Variants in HDAC4 observed in about 807,000 individuals in gnomAD.
HDAC4 encodes histone deacetylase A.
A neutral mutation model predicts 135.1 loss-of-function variants in HDAC4; 16 were observed. That is an observed-to-expected ratio of 0.12 (90% CI 0.08 to 0.18). The LOEUF is 0.18. HDAC4 is among the 10% of genes least tolerant of loss of function. HDAC4 has a pLI of 1.00. For synonymous variants in HDAC4, 685 were observed against 653.4 expected (o/e 1.05, Z -0.74); for missense variants, 1,143 against 1,511.8 (o/e 0.76, Z 4.05).
In HDAC4 at chr2:239,285,895, A is replaced by AT. The variant is rs2051110462; in HGVS notation, c.23-49232dup. 1.3e-5 allele frequency among the ~76,000 whole-genome samples: 2 copies of AT among 152,176 alleles called. No individual in the cohort carries two copies. Among genetic ancestry groups the AT allele is most frequent in the African/African-American group, 2.4e-5 (1 of 41,436 alleles). ...GCAGCTCCCAGGAAATGCACGTGGC[A>AT]TGCCTATCAGAAGAACGGCCTCCTC... On this transcript the variant is annotated intron_variant, in intron 2 of 26. Coordinates refer to ENST00000543185, the MANE Select transcript of HDAC4 (RefSeq NM_001378414.1). This position sits in a 1 kb window ranked among gnomAD's most constrained non-coding sequence, Gnocchi z 4.5.
chr2:239,299,388 C>T lies in HDAC4; in HGVS notation c.22+53290G>A, dbSNP rs925818855. Among the ~76,000 whole-genome samples, 2 of 152,088 alleles carry T rather than the reference C, an allele frequency of 1.3e-5. No individual in the cohort carries two copies. The highest frequency in any genetic ancestry group is 2.4e-5 in the African/African-American group (1 of 41,424). The stretch of plus-strand genomic sequence containing the variant: ...TGGTGCAATGATCAGGACGGAGGTG[C>T]CTAACAATCCCAATAAAATGCTGAC... On this transcript the variant is annotated intron_variant, in intron 2 of 26. Coordinates refer to ENST00000543185, the MANE Select transcript of HDAC4 (RefSeq NM_001378414.1). This position sits in a 1 kb window ranked among gnomAD's most constrained non-coding sequence, Gnocchi z 4.0.
rs181622786 is a variant in HDAC4, at chr2:239,285,836, T to C, written c.23-49172A>G. ...GTCAGGACCGAGGTGAGCCCAGAGC[T>C]GCAGCGTTCAGGATGCAGGGGCTGG... On this transcript the variant is annotated intron_variant, in intron 2 of 26. Transcript: ENST00000543185. The surrounding 1 kb of genome is among the most constrained non-coding windows in gnomAD (Gnocchi z 4.5). Among the ~76,000 whole-genome samples, 4 of 152,216 alleles carry C rather than the reference T, an allele frequency of 2.6e-5. No homozygotes were observed. The highest frequency in any genetic ancestry group is 1.3e-4 in the Admixed American group (2 of 15,290).
intron 2 of HDAC4, among the ~76,000 whole-genome samples, chr2:239,246,896 C>A (rs1241112764): frequency 6.6e-6 from 1 of 152,206 alleles, no homozygotes; most frequent in East Asian, 1.9e-4. Context: ...TGCGTCACTG[C>A]ACAGCTGTGC....
intron 2 of HDAC4, among the ~76,000 whole-genome samples, chr2:239,275,877 G>C (rs1384455263): frequency 6.6e-6 from 1 of 152,176 alleles, no homozygotes; most frequent in Admixed American, 6.5e-5. Context: ...CTGAAGGTAT[G>C]GGGCGGAGAA....
In HDAC4 at chr2:239,176,618, G is replaced by C. The variant is rs948628337; in HGVS notation, c.340-55C>G. Reference sequence around the variant, plus strand: ...AGAGCCCAGGCTCCACACACACACAGAGACCCAATGAAGACCCAAGAAACC... The same window carrying C: ...AGAGCCCAGGCTCCACACACACACACAGACCCAATGAAGACCCAAGAAACC... On this transcript the variant is annotated intron_variant, in intron 4 of 26. Transcript: ENST00000543185. The C allele has an allele frequency of 4.5e-6, 7 of 1,551,352 alleles. No homozygotes were observed. The Admixed American group carries it at 5.1e-5, about 11-fold the overall frequency.
intron 2 of HDAC4, among the ~76,000 whole-genome samples, chr2:239,296,157 C>T (rs558847643): frequency 3.3e-5 from 5 of 152,316 alleles, no homozygotes; most frequent in South Asian, 2.1e-4. Context: ...GACCTGGAGC[C>T]GTGTCCTTGA....
intron 2 of HDAC4, among the ~76,000 whole-genome samples, chr2:239,282,679 A>C (rs1185198214): frequency 9.0e-5 from 13 of 144,952 alleles, no homozygotes; most frequent in African/African-American, 2.2e-4. Context: ...CAATGTACAC[A>C]CCACTCTACA....
intron 4 of HDAC4, among the ~76,000 whole-genome samples, chr2:239,177,413 A>G (rs1371788739): frequency 6.6e-6 from 1 of 152,214 alleles, no homozygotes; most frequent in East Asian, 1.9e-4. Context: ...CTATATTCAC[A>G]TGAAGCCCTA....
chr2:239,394,756 A>C (rs1696454634), intron 1 of HDAC4, among the ~76,000 whole-genome samples: 1 of 152,240 alleles, frequency 6.6e-6, no homozygotes, highest in South Asian at 2.1e-4. Context: ...CTCCCACCCA[A>C]GGCCCGCATT....
chr2:239,123,365 C>T lies in HDAC4; in HGVS notation c.1533+3091G>A, dbSNP rs150884576. Reference sequence around the variant, plus strand: ...CATTTCTGATGCGTTCCCTGCTGTCCGCTGATGAGGGCTTGGGGGTGGAGG... The same window carrying T: ...CATTTCTGATGCGTTCCCTGCTGTCTGCTGATGAGGGCTTGGGGGTGGAGG... On this transcript the variant is annotated intron_variant, in intron 12 of 26. Transcript: ENST00000543185. Among the ~76,000 whole-genome samples the T allele has an allele frequency of 4.8e-3, 731 of 152,040 alleles. 5 individuals are homozygous for T. Among genetic ancestry groups the T allele is most frequent in the Non-Finnish European group, 7.0e-3 (475 of 67,960 alleles).
chr2:239,343,533 G>A (rs1369767948), intron 2 of HDAC4, among the ~76,000 whole-genome samples: 2 of 152,228 alleles, frequency 1.3e-5, no homozygotes, highest in African/African-American at 2.4e-5. Flanking sequence ...ACCTGCGGGA[G>A]GCCCACCAAC....
chr2:239,187,009 C>A (rs769348324), intron 4 of HDAC4: 3 of 152,598 alleles, frequency 2.0e-5, no homozygotes, highest in African/African-American at 7.2e-5. Flanking sequence ...ACAGCCATGG[C>A]GGCTTCGGGG....
intron 3 of HDAC4, among the ~76,000 whole-genome samples, chr2:239,205,367 G>A (rs2045983223): frequency 2.6e-5 from 4 of 152,020 alleles, no homozygotes; most frequent in Admixed American, 2.0e-4. Flanking sequence ...TATGGGCAAC[G>A]TTATCCAACA....
intron 1 of HDAC4, among the ~76,000 whole-genome samples, chr2:239,358,552 T>C (rs1040416185): frequency 6.6e-6 from 1 of 152,214 alleles, no homozygotes; most frequent in Non-Finnish European, 1.5e-5. Flanking sequence ...GTGTGCTAAC[T>C]GCTGCTGGGC....
intron 1 of HDAC4, among the ~76,000 whole-genome samples, chr2:239,385,300 C>G (rs1008471399): frequency 6.6e-6 from 1 of 152,258 alleles, no homozygotes; most frequent in Non-Finnish European, 1.5e-5. Context: ...TGGGGGCACA[C>G]AGCGGGCTGG....
intron 2 of HDAC4, among the ~76,000 whole-genome samples, chr2:239,283,709 G>C (rs748408600): frequency 6.6e-6 from 1 of 152,180 alleles, no homozygotes. Context: ...CCACTTCCGC[G>C]AGCGGTAACA....
In HDAC4 at chr2:239,299,100, C is replaced by T. The variant is rs971306074; in HGVS notation, c.22+53578G>A. ...CAGGATGGTCTCGATCTCCTGACCT[C>T]GTGATCCGCCTGCCTTGGCCTCCCA... On this transcript the variant is annotated intron_variant, in intron 2 of 26. Transcript: ENST00000543185. The surrounding 1 kb of genome is among the most constrained non-coding windows in gnomAD (Gnocchi z 4.0). 6.6e-6 allele frequency among the ~76,000 whole-genome samples: 1 copy of T among 152,048 alleles called. No individual in the cohort carries two copies. The highest frequency in any genetic ancestry group is 2.4e-5 in the African/African-American group (1 of 41,410).
At chr2:239,174,891 A>G (rs1028186866) in intron 5 of HDAC4, among the ~76,000 whole-genome samples, 3 of 152,224 alleles carry the variant, frequency 2.0e-5, no homozygotes, top group African/African-American at 7.2e-5. Flanking sequence ...CAAAAATCCT[A>G]CATATTAAGG....
chr2:239,373,653 G>A (rs368593973), intron 1 of HDAC4, among the ~76,000 whole-genome samples: 1 of 152,114 alleles, frequency 6.6e-6, no homozygotes, highest in African/African-American at 2.4e-5. Context: ...TGGTAGAGAT[G>A]GGGTTTCACC....
Sources: gnomAD v4.1 joint callset for allele counts (sites outside exome capture counted in the v4.1 genomes callset) on GRCh38, gnomAD v4.1.1 for gene constraint, Gnocchi (gnomAD v3.1) non-coding constraint, MANE v1.5 for transcripts, NCBI Gene and HGNC (gene_info 2026-07-23, HGNC 2026-07-21) for gene names.